The following ADGRA2 variants were observed in gnomAD, a reference collection of about 807,000 sequenced individuals.
The protein encoded by ADGRA2 is adhesion G protein-coupled receptor A2.
In ADGRA2, 61 loss-of-function variants were observed where a neutral mutation model predicts 98.7. The observed-to-expected ratio is 0.62, with a 90% CI of 0.50 to 0.76. The LOEUF is 0.76. ADGRA2 is among the 30% of genes least tolerant of loss of function. ADGRA2 has a pLI of 0.00. For synonymous variants in ADGRA2, 858 were observed against 831.5 expected (o/e 1.03, Z -0.55); for missense variants, 1,712 against 1,860.0 (o/e 0.92, Z 1.46).
At chr8:37,819,351 T>C (rs1414239594) in intron 2 of ADGRA2, among the ~76,000 whole-genome samples, 2 of 152,092 alleles carry the variant, frequency 1.3e-5, no homozygotes, top group African/African-American at 4.8e-5. Context: ...ATCACTGCTG[T>C]ATTTATATAT....
chr8:37,817,792 G>A (rs561116006), intron 2 of ADGRA2, among the ~76,000 whole-genome samples: 12 of 152,220 alleles, frequency 7.9e-5, no homozygotes, highest in African/African-American at 2.2e-4. Flanking sequence ...CATGGCTGGC[G>A]GATCACCTGA....
At chr8:37,838,630 CG>C (rs1199763492) in intron 14 of ADGRA2, among the ~76,000 whole-genome samples, 1 of 152,186 alleles carries the variant, frequency 6.6e-6, no homozygotes, top group Non-Finnish European at 1.5e-5. Flanking sequence ...CCTCGTGGCA[CG>C]TGGTACTGCC....
chr8:37,838,644 T>C (rs1234612798), intron 14 of ADGRA2, among the ~76,000 whole-genome samples: 1 of 152,080 alleles, frequency 6.6e-6, no homozygotes, highest in Non-Finnish European at 1.5e-5. Flanking sequence ...GTACTGCCAC[T>C]CTCCAGTCCT....
chr8:37,804,223 G>A (rs1023554814), intron 1 of ADGRA2, among the ~76,000 whole-genome samples: 1 of 152,040 alleles, frequency 6.6e-6, no homozygotes, highest in African/African-American at 2.4e-5. Context: ...GTTAGTCTGT[G>A]CAGGTGGGAA....
In ADGRA2 at chr8:37,841,024, G is replaced by T. The variant is rs958779449; in HGVS notation, c.2748-62G>T. The T allele has an allele frequency of 1.7e-6, 1 of 575,298 alleles. No homozygotes were observed. Among genetic ancestry groups the T allele is most frequent in the Non-Finnish European group, 3.1e-6 (1 of 326,972 alleles). The allele number at this position is 575,298 out of a possible 1,614,324, so 35.6% of individuals were successfully genotyped here. A position where few individuals can be genotyped will look rare whatever the true frequency, so the allele number is the denominator to read the frequency against. On this transcript the variant is annotated intron_variant, in intron 18 of 18. Coordinates refer to ENST00000412232, the MANE Select transcript of ADGRA2 (RefSeq NM_032777.10). This position sits in a 1 kb window ranked among gnomAD's most constrained non-coding sequence, Gnocchi z 5.0. Reference sequence around the variant, plus strand: ...CATATCCTGTCTCCCCAACCACCCCGGCCCCCAGCCCCACCCCAGCCATGC... The same window carrying T: ...CATATCCTGTCTCCCCAACCACCCCTGCCCCCAGCCCCACCCCAGCCATGC...
chr8:37,804,573 G>A (rs1023921075), intron 1 of ADGRA2, among the ~76,000 whole-genome samples: 3 of 152,310 alleles, frequency 2.0e-5, no homozygotes, highest in African/African-American at 7.2e-5. Context: ...GTTTATTGTT[G>A]ATAAAAACTG....
chr8:37,809,757 C>G (rs73594905), intron 1 of ADGRA2, among the ~76,000 whole-genome samples: 7,877 of 152,246 alleles, frequency 0.052, 713 homozygotes, highest in African/African-American at 0.18. Flanking sequence ...AGCTGCCCCC[C>G]ACTCAACTCA....
intron 2 of ADGRA2, among the ~76,000 whole-genome samples, chr8:37,822,498 T>C (rs993266645): frequency 6.6e-6 from 1 of 151,738 alleles, no homozygotes; most frequent in African/African-American, 2.4e-5. Flanking sequence ...TAAAAAAAAG[T>C]GTGCAATCCA....
chr8:37,830,095 C>T lies in ADGRA2; in HGVS notation c.718+81C>T. The T allele has an allele frequency of 1.1e-6, 1 of 929,438 alleles. No individual in the cohort carries two copies. Among genetic ancestry groups the T allele is most frequent in the East Asian group, 2.7e-5 (1 of 36,812 alleles). 57.6% of individuals were successfully genotyped at this position (929,438 alleles called of 1,614,324 possible). A position where few individuals can be genotyped will look rare whatever the true frequency, so the allele number is the denominator to read the frequency against. ...CAGGGCCCAGACACGAGCCTCCCCT[C>T]AGACCCACAGGTTTTTACCTTTGTA... On this transcript the variant is annotated intron_variant, in intron 6 of 18. Coordinates refer to ENST00000412232, the MANE Select transcript of ADGRA2 (RefSeq NM_032777.10). This position sits in a 1 kb window ranked among gnomAD's most constrained non-coding sequence, Gnocchi z 4.8.
chr8:37,829,184 C>T, intron 3 of ADGRA2, 77 bp from the exon 4 acceptor site: 1 of 1,110,136 alleles, frequency 9.0e-7, no homozygotes, highest in Non-Finnish European at 1.4e-6. Flanking sequence ...AGCCCTGGCC[C>T]CACCCATGTG....
At chr8:37,833,883 C>T in intron 10 of ADGRA2, 46 bp downstream of exon 10, 1 of 1,609,790 alleles carries the variant, frequency 6.2e-7, no homozygotes, top group Non-Finnish European at 8.5e-7. Context: ...GCCCCCATCC[C>T]TCATTTGCTC....
At chr8:37,826,563 C>T (rs930420936) in intron 2 of ADGRA2, among the ~76,000 whole-genome samples, 3 of 151,586 alleles carry the variant, frequency 2.0e-5, no homozygotes, top group South Asian at 2.1e-4. Flanking sequence ...TCATGGAGGC[C>T]GGCTGAGTCC....
chr8:37,829,475 C>G lies in ADGRA2; in HGVS notation c.483-13C>G, dbSNP rs781551293. Reference sequence around the variant, plus strand: ...CCTAAGACCCCATCTCAGTTGTCCCCTGTTCCCTGCAGAAACATATCTGGA... The same window carrying G: ...CCTAAGACCCCATCTCAGTTGTCCCGTGTTCCCTGCAGAAACATATCTGGA... On this transcript the variant is annotated splice_polypyrimidine_tract_variant and intron_variant, in intron 4 of 18. Coordinates refer to ENST00000412232, the MANE Select transcript of ADGRA2 (RefSeq NM_032777.10). The G allele has an allele frequency of 2.4e-5, 39 of 1,609,900 alleles. No homozygotes were observed. In the East Asian group the frequency reaches 8.7e-4, roughly 36 times the overall value.
chr8:37,837,436 C>T (rs1563352401), intron 13 of ADGRA2, among the ~76,000 whole-genome samples: 2 of 152,054 alleles, frequency 1.3e-5, no homozygotes. Context: ...CCCTGAGCCC[C>T]CGCCAGCCTG....
intron 15 of ADGRA2, 53 bp from the exon 16 acceptor site, chr8:37,839,446 A>G (rs1585408057): frequency 6.2e-7 from 1 of 1,607,986 alleles, no homozygotes; most frequent in East Asian, 2.2e-5. Flanking sequence ...TTGAGACCCC[A>G]TGGGCCTGAC....
intron 2 of ADGRA2, among the ~76,000 whole-genome samples, chr8:37,815,961 G>T (rs1485464152): frequency 6.6e-6 from 1 of 152,120 alleles, no homozygotes; most frequent in Middle Eastern, 3.2e-3. Context: ...ATCCTGCTAG[G>T]CGTTCCTAGT....
At chr8:37,815,683 G>A (rs767517090) in intron 2 of ADGRA2, among the ~76,000 whole-genome samples, 9 of 152,242 alleles carry the variant, frequency 5.9e-5, no homozygotes, top group Admixed American at 2.6e-4. Flanking sequence ...CATGGGGAGA[G>A]TGTTCACGGG....
chr8:37,828,640 ATT>A (rs148517222), intron 2 of ADGRA2, among the ~76,000 whole-genome samples: 2,083 of 134,720 alleles, frequency 0.015, 40 homozygotes, highest in African/African-American at 0.051. Context: ...CACCTGGCTA[ATT>A]TTTTTTTTTT....
At chr8:37,833,866 G>A (rs772130713) in intron 10 of ADGRA2, 29 bp downstream of exon 10, 17 of 1,611,458 alleles carry the variant, frequency 1.1e-5, no homozygotes, top group East Asian at 6.7e-5. Flanking sequence ...TCAGGAGCTC[G>A]GAAAACGCCC....
Sources: allele counts gnomAD v4.1 joint callset (sites outside exome capture counted in the v4.1 genomes callset), GRCh38; gene constraint gnomAD v4.1.1; non-coding constraint Gnocchi (gnomAD v3.1); transcripts MANE v1.5; gene names NCBI Gene and HGNC (gene_info 2026-07-23, HGNC 2026-07-21).